MEGF9: variants seen among roughly 807,000 people sequenced by gnomAD.
MEGF9 encodes the protein multiple epidermal growth factor-like domains protein 9.
Under a neutral mutation model 46.8 loss-of-function variants are expected in MEGF9, and 6 were observed. The ratio of observed to expected loss-of-function variants is 0.13; its 90% CI spans 0.07 to 0.25. MEGF9 has a LOEUF of 0.25. MEGF9 is among the 10% of genes least tolerant of loss of function. MEGF9 has a pLI of 1.00. For synonymous variants in MEGF9, 302 were observed against 330.7 expected (o/e 0.91, Z 0.94); for missense variants, 683 against 792.4 (o/e 0.86, Z 1.66).
intron 2 of MEGF9, among the ~76,000 whole-genome samples, chr9:120,628,013 G>C (rs141929683): frequency 1.7e-3 from 261 of 152,242 alleles, no homozygotes; most frequent in African/African-American, 6.0e-3. Flanking sequence ...ACTGAAACTA[G>C]TAATTAAAAG....
intron 2 of MEGF9, among the ~76,000 whole-genome samples, chr9:120,648,507 A>T (rs548465913): frequency 1.3e-5 from 2 of 151,934 alleles, no homozygotes; most frequent in Non-Finnish European, 2.9e-5. Flanking sequence ...CTTCAATATC[A>T]ATCCAAATGC....
At position 120,603,110 on chromosome 9, in the gene MEGF9, A is replaced by C. The variant is rs923647462; in HGVS notation, c.*2080T>G. 1.3e-5 allele frequency: 2 copies of C among 152,218 alleles called. No homozygotes were observed. The highest frequency in any genetic ancestry group is 4.8e-5 in the African/African-American group (2 of 41,460). 9.4% of individuals were successfully genotyped at this position (152,218 alleles called of 1,614,324 possible). ...GTCCATGGCTAGGCAATTTCTGCAT[A>C]TAGTTGAAAAAACATGTGCTTTAGA... On this transcript the variant is annotated 3_prime_UTR_variant, in exon 6 of 6. Coordinates refer to ENST00000373930, the MANE Select transcript of MEGF9 (RefSeq NM_001080497.3).
At chr9:120,672,975 A>G (rs2043756684) in intron 1 of MEGF9, among the ~76,000 whole-genome samples, 2 of 152,196 alleles carry the variant, frequency 1.3e-5, no homozygotes, top group Admixed American at 1.3e-4. Flanking sequence ...GTGAACCGAG[A>G]TTGCGCCATT....
intron 1 of MEGF9, among the ~76,000 whole-genome samples, chr9:120,707,559 TA>T (rs1265122647): frequency 6.6e-6 from 1 of 152,198 alleles, no homozygotes; most frequent in Admixed American, 6.5e-5. Flanking sequence ...AGGTTTTAGA[TA>T]AAAGACTGTG....
At chr9:120,705,488 C>T (rs759640100) in intron 1 of MEGF9, among the ~76,000 whole-genome samples, 12 of 143,262 alleles carry the variant, frequency 8.4e-5, no homozygotes, top group Middle Eastern at 7.5e-3. Context: ...GTGAGAGGAA[C>T]GCATAGAAGG....
At chr9:120,688,163 ACACACACG>A (rs1279742444) in intron 1 of MEGF9, among the ~76,000 whole-genome samples, 17 of 145,852 alleles carry the variant, frequency 1.2e-4, no homozygotes, top group African/African-American at 4.8e-4. Context: ...ACACACACAC[ACACACACG>A]CACGCACACA....
intron 1 of MEGF9, among the ~76,000 whole-genome samples, chr9:120,709,713 T>C (rs752406077): frequency 1.6e-4 from 24 of 152,186 alleles, no homozygotes; most frequent in Non-Finnish European, 3.2e-4. Context: ...GGTAGTGGCA[T>C]TTAAAGTCCT....
Position 120,713,867 on chromosome 9 carries a change from T to G in MEGF9, c.492A>C (p.Val164=), listed in dbSNP as rs746513265. 1 of 1,302,202 alleles carries G rather than the reference T, an allele frequency of 7.7e-7. No homozygotes were observed. The highest frequency in any genetic ancestry group is 9.8e-7 in the Non-Finnish European group (1 of 1,022,904). The allele number at this position is 1,302,202 out of a possible 1,614,324, so 80.7% of individuals were successfully genotyped here. A position where few individuals can be genotyped will look rare whatever the true frequency, so the allele number is the denominator to read the frequency against. ...GGGTCCGGGGAGTCGTGGGCGCCGGTACGGTGGTCGCTACAGGGGTGGTCG... is the reference window on the plus strand; with the variant it reads ...GGGTCCGGGGAGTCGTGGGCGCCGGGACGGTGGTCGCTACAGGGGTGGTCG... ...PAPTTPVATT[V]PAPTTPRTPT... Residue 164 remains valine, a synonymous_variant, in exon 1 of 6, where the codon GTA becomes GTC. Transcript: ENST00000373930.
At chr9:120,614,077 G>C (rs1173425335) in intron 3 of MEGF9, among the ~76,000 whole-genome samples, 1 of 151,648 alleles carries the variant, frequency 6.6e-6, no homozygotes, top group African/African-American at 2.4e-5. Flanking sequence ...GAGTGCAGTG[G>C]CATGATCTCT....
chr9:120,702,266 A>T (rs1268925841), intron 1 of MEGF9, among the ~76,000 whole-genome samples: 1 of 152,164 alleles, frequency 6.6e-6, no homozygotes, highest in African/African-American at 2.4e-5. Flanking sequence ...GACTAAACAA[A>T]TACCCTGATA....
chr9:120,603,384 G>A lies in MEGF9; in HGVS notation c.*1806C>T, dbSNP rs1178174802. 2 of 152,126 alleles carry A rather than the reference G, an allele frequency of 1.3e-5. No homozygotes were observed. Among genetic ancestry groups the A allele is most frequent in the East Asian group, 3.9e-4 (2 of 5,186 alleles). The allele number at this position is 152,126 out of a possible 1,614,324, so 9.4% of individuals were successfully genotyped here. A position where few individuals can be genotyped will look rare whatever the true frequency, so the allele number is the denominator to read the frequency against. On this transcript the variant is annotated 3_prime_UTR_variant, in exon 6 of 6. Coordinates refer to ENST00000373930, the MANE Select transcript of MEGF9 (RefSeq NM_001080497.3). ...TGTAACCTCTATTCTTCTGAGCAAT[G>A]GCCAAATACGCAAAGCACCCTCAGA...
chr9:120,639,647 G>T (rs952408475), intron 2 of MEGF9, among the ~76,000 whole-genome samples: 1 of 151,824 alleles, frequency 6.6e-6, no homozygotes, highest in Non-Finnish European at 1.5e-5. Context: ...TCTAACAGAG[G>T]ACCTATCTCA....
intron 2 of MEGF9, among the ~76,000 whole-genome samples, chr9:120,650,237 C>T (rs190195554): frequency 7.4e-4 from 113 of 152,310 alleles, no homozygotes; most frequent in African/African-American, 2.6e-3. Flanking sequence ...AATCAATGTG[C>T]AATTGTCTAC....
chr9:120,694,370 T>A (rs554255414), intron 1 of MEGF9, among the ~76,000 whole-genome samples: 25 of 152,346 alleles, frequency 1.6e-4, no homozygotes, highest in African/African-American at 5.8e-4. Flanking sequence ...GGATTAGAGG[T>A]AATGAAGAAT....
intron 1 of MEGF9, among the ~76,000 whole-genome samples, chr9:120,712,389 C>T (rs2043958015): frequency 6.6e-6 from 1 of 152,218 alleles, no homozygotes; most frequent in Non-Finnish European, 1.5e-5. Context: ...TAAGCTTACA[C>T]AGCTAACAAG....
intron 1 of MEGF9, among the ~76,000 whole-genome samples, chr9:120,667,015 C>T (rs546812459): frequency 5.2e-4 from 79 of 152,214 alleles, no homozygotes; most frequent in African/African-American, 1.8e-3. Flanking sequence ...ATACATGTAT[C>T]AACACTGACA....
Position 120,713,927 on chromosome 9 carries a change from C to A in MEGF9, c.432G>T (p.Ala144=). ...STTSQAPTRP[A]PTTLSTTTGP... ...CAGTGGTCGTCGAAAGGGTGGTCGG[C>A]GCGGGTCTGGTCGGCGCCTGAGAGG... The change falls in exon 1 of 6, where the codon GCG becomes GCT. Residue 144 remains alanine, a synonymous_variant. Transcript: ENST00000373930. The A allele has an allele frequency of 7.4e-7, 1 of 1,353,734 alleles. No homozygotes were observed. Among genetic ancestry groups the A allele is most frequent in the Non-Finnish European group, 9.5e-7 (1 of 1,047,934 alleles). 83.9% of individuals were successfully genotyped at this position (1,353,734 alleles called of 1,614,324 possible).
At chr9:120,676,779 T>G (rs1402207345) in intron 1 of MEGF9, among the ~76,000 whole-genome samples, 3 of 152,236 alleles carry the variant, frequency 2.0e-5, no homozygotes, top group Admixed American at 6.5e-5. Context: ...AATTGTCATT[T>G]ACTATGATCT....
intron 2 of MEGF9, among the ~76,000 whole-genome samples, chr9:120,636,960 C>T (rs946523887): frequency 1.3e-5 from 2 of 152,138 alleles, no homozygotes; most frequent in Non-Finnish European, 2.9e-5. Flanking sequence ...TGAGAATGGG[C>T]CATGATGACC....
Sources: gnomAD v4.1 joint callset for allele counts (sites outside exome capture counted in the v4.1 genomes callset) on GRCh38, gnomAD v4.1.1 for gene constraint, MANE v1.5 for transcripts, NCBI Gene and HGNC (gene_info 2026-07-23, HGNC 2026-07-21) for gene names.